Variants in ZNF738 observed in about 807,000 individuals in gnomAD.
The protein encoded by ZNF738 is zinc finger protein 738, also known as protein ZNF738.
In ZNF738, 10 loss-of-function variants were observed where a neutral mutation model predicts 9.2. That is an observed-to-expected ratio of 1.09 (90% CI 0.67 to 1.85). The LOEUF is 1.85. Among genes scored for constraint, ZNF738 ranks in the 40% most tolerant of loss-of-function variants. The probability of loss-of-function intolerance (pLI) is 0.00; values close to 1 mark genes in which losing one functional copy is unlikely to be tolerated. For missense variants in ZNF738, 346 were observed against 283.6 expected, an observed-to-expected ratio of 1.22 and a Z score of -1.58; for synonymous variants, 113 against 94.5, an observed-to-expected ratio of 1.20 and a Z score of -1.14.
intron 2 of ZNF738, among the ~76,000 whole-genome samples, chr19:21,370,778 G>A (rs1973845301): frequency 6.6e-6 from 1 of 152,000 alleles, no homozygotes; most frequent in Non-Finnish European, 1.5e-5. Flanking sequence ...TACTCGGCTT[G>A]CTGTAATGCC....
intron 2 of ZNF738, among the ~76,000 whole-genome samples, chr19:21,364,399 A>G (rs1392417516): frequency 6.6e-6 from 1 of 152,100 alleles, no homozygotes; most frequent in Non-Finnish European, 1.5e-5. Context: ...TGAAGTCAGC[A>G]TGTTCTTAGG....
chr19:21,382,606 CTT>C (rs1236406016), intron 4 of ZNF738, among the ~76,000 whole-genome samples: 2 of 152,028 alleles, frequency 1.3e-5, no homozygotes, highest in South Asian at 2.1e-4. Flanking sequence ...GTGTAACAAA[CTT>C]TTTTTTCTTC....
At chr19:21,382,156 C>T (rs1363842720) in intron 4 of ZNF738, among the ~76,000 whole-genome samples, 1 of 146,492 alleles carries the variant, frequency 6.8e-6, no homozygotes, top group Non-Finnish European at 1.5e-5. Context: ...ACCTCTGCCT[C>T]CTGGGTTCAA....
At chr19:21,366,797 C>T (rs182763127) in intron 2 of ZNF738, among the ~76,000 whole-genome samples, 1 of 152,130 alleles carries the variant, frequency 6.6e-6, no homozygotes, top group East Asian at 1.9e-4. Context: ...CCTCTCATGG[C>T]ACTGGTGGGA....
chr19:21,371,364 T>C (rs1488258219), intron 2 of ZNF738, among the ~76,000 whole-genome samples: 1 of 152,220 alleles, frequency 6.6e-6, no homozygotes, highest in Non-Finnish European at 1.5e-5. Flanking sequence ...GGTAGAATTA[T>C]GTCAGGCTAA....
At chr19:21,371,689 A>C (rs778736760) in intron 2 of ZNF738, among the ~76,000 whole-genome samples, 34 of 151,872 alleles carry the variant, frequency 2.2e-4, no homozygotes, top group Non-Finnish European at 4.1e-4. Context: ...GAAGTGTGCA[A>C]AAAAACCTTG....
chr19:21,375,133 G>A, intron 2 of ZNF738, 105 bp from the exon 3 acceptor site: 2 of 622,670 alleles, frequency 3.2e-6, no homozygotes, highest in Non-Finnish European at 2.7e-6. Context: ...AGTTATTCCT[G>A]TAAGTCAGAA....
At position 21,383,756 on chromosome 19, in the gene ZNF738, G is replaced by A. The variant is rs1056734981; in HGVS notation, c.*82G>A. Reference sequence around the variant, plus strand: ...TGAAGAGAAACCCTACAAATGTGAGGAATGTGGCAAAGCTTTTAAACAGTC... The same window carrying A: ...TGAAGAGAAACCCTACAAATGTGAGAAATGTGGCAAAGCTTTTAAACAGTC... On this transcript the variant is annotated 3_prime_UTR_variant, in exon 5 of 5. Transcript: ENST00000683779. The A allele has an allele frequency of 1.8e-6, 2 of 1,125,228 alleles. No homozygotes were observed. The highest frequency in any genetic ancestry group is 3.0e-5 in the African/African-American group (2 of 65,790). The allele number at this position is 1,125,228 out of a possible 1,614,324, so 69.7% of individuals were successfully genotyped here. A position where few individuals can be genotyped will look rare whatever the true frequency, so the allele number is the denominator to read the frequency against.
intron 2 of ZNF738, 118 bp from the exon 3 acceptor site, chr19:21,375,120 T>C: frequency 1.7e-6 from 1 of 573,912 alleles, no homozygotes; most frequent in Non-Finnish European, 3.0e-6. Context: ...GTTGGATGAT[T>C]TCAGTTATTC....
chr19:21,367,807 C>T (rs889616179), intron 2 of ZNF738, among the ~76,000 whole-genome samples: 36 of 152,170 alleles, frequency 2.4e-4, no homozygotes, highest in African/African-American at 7.7e-4. Context: ...GTCCACACTC[C>T]TCCCAGGACT....
chr19:21,375,223 G>A lies in ZNF738; in HGVS notation c.97-15G>A. On this transcript the variant is annotated splice_polypyrimidine_tract_variant and intron_variant, in intron 2 of 4. Coordinates refer to ENST00000683779, the MANE Select transcript of ZNF738 (RefSeq NM_001355237.2). ...TGGACACTTGTAAATATGTGTGTGT[G>A]TGTGTGTTTTTCAGGGGCCGTTGAC... 1.8e-6 allele frequency: 2 copies of A among 1,087,892 alleles called. No homozygotes were observed. Among genetic ancestry groups the A allele is most frequent in the Admixed American group, 1.9e-5 (1 of 53,916 alleles). 67.4% of individuals were successfully genotyped at this position (1,087,892 alleles called of 1,614,324 possible).
In ZNF738 at chr19:21,387,651, T is replaced by G. The variant is rs1215473923; in HGVS notation, c.*3977T>G. On this transcript the variant is annotated 3_prime_UTR_variant, in exon 5 of 5. Transcript: ENST00000683779. The stretch of plus-strand genomic sequence containing the variant: ...AAGACATTAATATCTGCTTACATCT[T>G]AACACCAGAGAGTTCATACTTAATA... Among the ~76,000 whole-genome samples, 1 of 152,196 alleles carries G rather than the reference T, an allele frequency of 6.6e-6. No individual in the cohort carries two copies. Among genetic ancestry groups the G allele is most frequent in the East Asian group, 1.9e-4 (1 of 5,200 alleles).
chr19:21,359,131 A>G lies in ZNF738; in HGVS notation c.-10A>G. 1.9e-6 allele frequency: 2 copies of G among 1,035,672 alleles called. No individual in the cohort carries two copies. Among genetic ancestry groups the G allele is most frequent in the Non-Finnish European group, 1.5e-6 (1 of 654,116 alleles). The allele number at this position is 1,035,672 out of a possible 1,614,324, so 64.2% of individuals were successfully genotyped here. A position where few individuals can be genotyped will look rare whatever the true frequency, so the allele number is the denominator to read the frequency against. On this transcript the variant is annotated 5_prime_UTR_variant, in exon 1 of 5. Coordinates refer to ENST00000683779, the MANE Select transcript of ZNF738 (RefSeq NM_001355237.2). Reference sequence around the variant, plus strand: ...CAGCTAAGACGCCGGGACACCCTGGAAGCCTAGAAATGGTGAGAGTGCGGG... The same window carrying G: ...CAGCTAAGACGCCGGGACACCCTGGGAGCCTAGAAATGGTGAGAGTGCGGG...
In ZNF738 at chr19:21,384,401, T is replaced by TG. The variant is rs1381802859; in HGVS notation, c.*729dup. On this transcript the variant is annotated 3_prime_UTR_variant, in exon 5 of 5. Transcript: ENST00000683779. Reference sequence around the variant, plus strand: ...TTACTAAACATAAGAGAATTCATAATGGAGAGAAACCCTACAAATGTTTAG... The same window carrying TG: ...TTACTAAACATAAGAGAATTCATAATGGGAGAGAAACCCTACAAATGTTTAG... 1.3e-5 allele frequency among the ~76,000 whole-genome samples: 2 copies of TG among 152,188 alleles called. No homozygotes were observed. Among genetic ancestry groups the TG allele is most frequent in the African/African-American group, 2.4e-5 (1 of 41,442 alleles).
Position 21,387,723 on chromosome 19 carries a change from A to G in ZNF738, c.*4049A>G, listed in dbSNP as rs1439415218. ...CTGTCAAAAGGTCTTTCAGAAAAAT[A>G]TAACCCTTTAAAGTGAAGAAGAGAA... On this transcript the variant is annotated 3_prime_UTR_variant, in exon 5 of 5. Coordinates refer to ENST00000683779, the MANE Select transcript of ZNF738 (RefSeq NM_001355237.2). 2.0e-5 allele frequency among the ~76,000 whole-genome samples: 3 copies of G among 152,218 alleles called. No individual in the cohort carries two copies. Among genetic ancestry groups the G allele is most frequent in the Non-Finnish European group, 4.4e-5 (3 of 68,042 alleles).
At chr19:21,379,757 C>A (rs1205733744) in intron 4 of ZNF738, among the ~76,000 whole-genome samples, 1 of 151,888 alleles carries the variant, frequency 6.6e-6, no homozygotes, top group African/African-American at 2.4e-5. Context: ...TACATACATA[C>A]AGTATTGCAC....
chr19:21,365,367 T>C (rs2145221230), intron 2 of ZNF738, among the ~76,000 whole-genome samples: 3 of 152,230 alleles, frequency 2.0e-5, no homozygotes, highest in Middle Eastern at 6.8e-3. Context: ...GTTTCAGCCC[T>C]ATTTTACCCA....
rs1974068733 is a variant in ZNF738 at position 21,386,480 on chromosome 19, T to C, written c.*2806T>C. 3 of 343,484 alleles carry C rather than the reference T, an allele frequency of 8.7e-6. No homozygotes were observed. Among genetic ancestry groups the C allele is most frequent in the South Asian group, 8.5e-5 (3 of 35,176 alleles). The allele number at this position is 343,484 out of a possible 1,614,324, so 21.3% of individuals were successfully genotyped here. On this transcript the variant is annotated 3_prime_UTR_variant, in exon 5 of 5. Coordinates refer to ENST00000683779, the MANE Select transcript of ZNF738 (RefSeq NM_001355237.2). The stretch of plus-strand genomic sequence containing the variant: ...TCAACTCCCACTAAACATAACATAA[T>C]TCATACTGGAGAGAAACCTCACAAC...
chr19:21,368,011 CAG>C (rs1324528887), intron 2 of ZNF738, among the ~76,000 whole-genome samples: 1 of 152,240 alleles, frequency 6.6e-6, no homozygotes. Flanking sequence ...AGAAATAAAT[CAG>C]AGTACAGCCC....
Sources: allele counts gnomAD v4.1 joint callset (sites outside exome capture counted in the v4.1 genomes callset), GRCh38; gene constraint gnomAD v4.1.1; transcripts MANE v1.5; gene names NCBI Gene and HGNC (gene_info 2026-07-23, HGNC 2026-07-21).